The following GPC5 variants were observed in gnomAD, a reference collection of about 807,000 sequenced individuals.
The protein encoded by GPC5 is glypican-5.
A neutral mutation model predicts 53.9 loss-of-function variants in GPC5; 47 were observed. The observed-to-expected ratio is 0.87, with a 90% CI of 0.69 to 1.11. The LOEUF is 1.11. Among genes scored for constraint, GPC5 ranks in the 50% most tolerant of loss-of-function variants. The pLI is 0.00. For synonymous variants in GPC5, 286 were observed against 263.3 expected, an observed-to-expected ratio of 1.09 and a Z score of -0.84; for missense variants, 748 against 713.1, an observed-to-expected ratio of 1.05 and a Z score of -0.56.
At chr13:92,235,222 C>G (rs1566497375) in intron 7 of GPC5, among the ~76,000 whole-genome samples, 1 of 151,944 alleles carries the variant, frequency 6.6e-6, no homozygotes, top group Non-Finnish European at 1.5e-5. Context: ...AAAATTGTTG[C>G]CTTTTATTAC....
intron 5 of GPC5, among the ~76,000 whole-genome samples, chr13:91,902,118 T>A (rs1262399079): frequency 2.0e-5 from 3 of 152,004 alleles, no homozygotes; most frequent in African/African-American, 4.8e-5. Context: ...TTCCAGATAT[T>A]GTTTCCCCTG....
intron 7 of GPC5, among the ~76,000 whole-genome samples, chr13:92,782,418 G>C (rs1348355718): frequency 6.6e-6 from 1 of 152,108 alleles, no homozygotes; most frequent in Admixed American, 6.5e-5. Flanking sequence ...AACGTAGAGG[G>C]ATATGATCAT....
At chr13:92,430,003 A>G (rs1877014531) in intron 7 of GPC5, among the ~76,000 whole-genome samples, 1 of 152,030 alleles carries the variant, frequency 6.6e-6, no homozygotes, top group Non-Finnish European at 1.5e-5. Context: ...ATAAGTAGTG[A>G]GGTAACGCAT....
intron 7 of GPC5, among the ~76,000 whole-genome samples, chr13:92,697,297 C>T (rs1656965130): frequency 6.6e-6 from 1 of 152,152 alleles, no homozygotes; most frequent in African/African-American, 2.4e-5. Context: ...GCAGTACAGC[C>T]ATTTTCACGA....
chr13:92,507,418 A>G lies in GPC5; in HGVS notation c.1562-358864A>G, dbSNP rs572830697. On this transcript the variant is annotated intron_variant, in intron 7 of 7. Transcript: ENST00000377067. ...AGCTTTCTTTGGCTTCAGTCCTTTC[A>G]TTATAAAACATCTATAAAATATTCT... 2.1e-4 allele frequency among the ~76,000 whole-genome samples: 32 copies of G among 152,358 alleles called. No individual in the cohort carries two copies. In the South Asian group the frequency reaches 6.2e-3, roughly 30 times the overall value.
intron 7 of GPC5, among the ~76,000 whole-genome samples, chr13:92,525,659 G>A (rs1259661085): frequency 6.6e-6 from 1 of 151,944 alleles, no homozygotes; most frequent in African/African-American, 2.4e-5. Context: ...TACTGCAAAA[G>A]ATAAGGACAG....
At chr13:91,489,143 G>A (rs618839) in intron 2 of GPC5, among the ~76,000 whole-genome samples, 66,440 of 151,972 alleles carry the variant, frequency 0.44, 15,484 homozygotes, top group Non-Finnish European at 0.52. Flanking sequence ...ATTTTGCCCC[G>A]GTCCTGTGAT....
At chr13:92,178,117 C>T (rs1022117769) in intron 7 of GPC5, among the ~76,000 whole-genome samples, 3 of 152,122 alleles carry the variant, frequency 2.0e-5, no homozygotes, top group Non-Finnish European at 2.9e-5. Context: ...GAAGGGATGC[C>T]GCAAAGGGAA....
At position 91,693,470 on chromosome 13, in the gene GPC5, A is replaced by G. The variant is rs763164898; in HGVS notation, c.609A>G (p.Pro203=). The G allele has an allele frequency of 1.2e-6, 2 of 1,614,114 alleles. No homozygotes were observed. Among genetic ancestry groups the G allele is most frequent in the South Asian group, 1.1e-5 (1 of 91,084 alleles). Reference sequence around the variant, plus strand: ...GGATGGCTCGCCGGGATGTGAGTCCATTTGGTAATATTCCCCAAAGAGTAA... The same window carrying G: ...GGATGGCTCGCCGGGATGTGAGTCCGTTTGGTAATATTCCCCAAAGAGTAA... ...CIRMARRDVS[P]FGNIPQRVMG... Residue 203 remains proline, a synonymous_variant, in exon 3 of 8, where the codon CCA becomes CCG. Transcript: ENST00000377067.
chr13:92,805,540 A>T (rs1877063715), intron 7 of GPC5, among the ~76,000 whole-genome samples: 1 of 152,042 alleles, frequency 6.6e-6, no homozygotes, highest in African/African-American at 2.4e-5. Flanking sequence ...GAACTCAAGC[A>T]ATCCTTCTAC....
intron 6 of GPC5, among the ~76,000 whole-genome samples, chr13:91,934,645 G>A (rs1444976343): frequency 2.0e-5 from 3 of 151,778 alleles, no homozygotes; most frequent in African/African-American, 7.3e-5. Flanking sequence ...GCCCCTTTTT[G>A]GCTCATAAAC....
At chr13:91,672,656 A>G (rs2035277459) in intron 2 of GPC5, among the ~76,000 whole-genome samples, 1 of 152,336 alleles carries the variant, frequency 6.6e-6, no homozygotes, top group Non-Finnish European at 1.5e-5. Context: ...TAGTTCAACC[A>G]TGTGGAAGAC....
At position 92,023,694 on chromosome 13, in the gene GPC5, A is replaced by ACACT. The variant is rs1341324175; in HGVS notation, c.1401+115638_1401+115639insACTC. On this transcript the variant is annotated intron_variant, in intron 6 of 7. Coordinates refer to ENST00000377067, the MANE Select transcript of GPC5 (RefSeq NM_004466.6). ...CACACACACACACACACACACACAC[A>ACACT]CTCTCTCTCTCTCTTATAAATTTAT... Among the ~76,000 whole-genome samples, 515 of 148,010 alleles carry ACACT rather than the reference A, an allele frequency of 3.5e-3. 5 individuals carry two copies. The highest frequency in any genetic ancestry group is 0.012 in the African/African-American group (489 of 40,184).
At chr13:92,196,622 A>G (rs2042258379) in intron 7 of GPC5, among the ~76,000 whole-genome samples, 2 of 152,184 alleles carry the variant, frequency 1.3e-5, no homozygotes, top group Admixed American at 1.3e-4. Flanking sequence ...AACTTTTCCT[A>G]TGGCCCCTCT....
chr13:92,432,003 A>G (rs1027941575), intron 7 of GPC5, among the ~76,000 whole-genome samples: 1 of 152,210 alleles, frequency 6.6e-6, no homozygotes, highest in Non-Finnish European at 1.5e-5. Flanking sequence ...CTCACAATGT[A>G]TATGTTAAAG....
intron 7 of GPC5, among the ~76,000 whole-genome samples, chr13:92,803,291 A>C (rs1876975717): frequency 6.6e-6 from 1 of 151,944 alleles, no homozygotes; most frequent in African/African-American, 2.4e-5. Flanking sequence ...ACTCTGTATC[A>C]ATAGCATACC....
chr13:92,145,128 G>T, intron 7 of GPC5, 139 bp downstream of exon 7: 3 of 712,454 alleles, frequency 4.2e-6, no homozygotes, highest in Non-Finnish European at 4.0e-6. Flanking sequence ...ATCTATTTTT[G>T]GTTTTTTAGG....
At chr13:92,233,161 G>T (rs1408904643) in intron 7 of GPC5, among the ~76,000 whole-genome samples, 1 of 152,156 alleles carries the variant, frequency 6.6e-6, no homozygotes, top group Non-Finnish European at 1.5e-5. Flanking sequence ...ACGTCAGAAA[G>T]AAATCTTTAA....
rs183563281 is a variant in GPC5, at chr13:92,753,890, A to T, written c.1562-112392A>T. Among the ~76,000 whole-genome samples the T allele has an allele frequency of 6.3e-3, 961 of 152,320 alleles. 10 individuals are homozygous for T. Among genetic ancestry groups the T allele is most frequent in the African/African-American group, 0.022 (919 of 41,562 alleles). On this transcript the variant is annotated intron_variant, in intron 7 of 7. Transcript: ENST00000377067. ...GAAAGTGACAGGGAGAATGGAACCA[A>T]GTTGGAAAACACTCTGCAGGATATT...
Sources: allele counts gnomAD v4.1 joint callset (sites outside exome capture counted in the v4.1 genomes callset), GRCh38; gene constraint gnomAD v4.1.1; transcripts MANE v1.5; gene names NCBI Gene and HGNC (gene_info 2026-07-23, HGNC 2026-07-21).